Variants in COG5 observed in about 807,000 individuals in gnomAD.
COG5 encodes conserved oligomeric Golgi complex subunit 5.
COG5 carries 86 observed loss-of-function variants against 110.4 expected under a neutral mutation model. The ratio of observed to expected loss-of-function variants is 0.78; its 90% CI spans 0.65 to 0.93. The LOEUF is 0.93. Among genes scored for constraint, COG5 ranks in the 40% least tolerant of loss-of-function variants. The pLI, the probability that COG5 is intolerant of heterozygous loss-of-function variation, is 0.00. For missense variants in COG5, 1,077 were observed against 987.0 expected (o/e 1.09, Z -1.22); for synonymous variants, 360 against 334.6 (o/e 1.08, Z -0.83).
intron 10 of COG5, among the ~76,000 whole-genome samples, chr7:107,326,141 CG>C (rs964626437): frequency 5.3e-5 from 8 of 152,142 alleles, no homozygotes; most frequent in Admixed American, 3.9e-4. Flanking sequence ...AACTAGGACT[CG>C]AAGGAAATTA....
At chr7:107,248,936 TC>T (rs1488017352) in intron 16 of COG5, among the ~76,000 whole-genome samples, 1 of 152,112 alleles carries the variant, frequency 6.6e-6, no homozygotes, top group East Asian at 1.9e-4. Flanking sequence ...AGACATTGAT[TC>T]TTTTTTTTTA....
intron 10 of COG5, among the ~76,000 whole-genome samples, chr7:107,340,650 G>T (rs1010195436): frequency 6.6e-6 from 1 of 152,062 alleles, no homozygotes; most frequent in African/African-American, 2.4e-5. Context: ...CTAGCAAATG[G>T]AATCCAACAG....
intron 3 of COG5, among the ~76,000 whole-genome samples, chr7:107,551,511 T>C (rs924142764): frequency 2.6e-4 from 39 of 152,336 alleles, no homozygotes; most frequent in African/African-American, 9.1e-4. Flanking sequence ...TAATATTCAA[T>C]TTTTCTAATA....
intron 6 of COG5, among the ~76,000 whole-genome samples, chr7:107,501,278 T>TA (rs1400706969): frequency 1.3e-5 from 2 of 152,016 alleles, no homozygotes; most frequent in Non-Finnish European, 2.9e-5. Flanking sequence ...ACTATTGGCA[T>TA]AAGCATCCAA....
In COG5 at chr7:107,509,060, G is replaced by C. The variant is rs11976379; in HGVS notation, c.538+18177C>G. On this transcript the variant is annotated intron_variant, in intron 6 of 21. Transcript: ENST00000297135. ...AAGCTGGAAGGAGAATGACTTTGACGTGTTGAGAGAAGAAGGCTTCAGAAG... is the reference window on the plus strand; with the variant it reads ...AAGCTGGAAGGAGAATGACTTTGACCTGTTGAGAGAAGAAGGCTTCAGAAG... Among the ~76,000 whole-genome samples the C allele has an allele frequency of 2.6e-5, 4 of 152,320 alleles. No individual in the cohort carries two copies. The South Asian group carries it at 8.3e-4, about 32-fold the overall frequency.
rs777072585 is a variant in COG5 at position 107,283,702 on chromosome 7, T to C, written c.1344A>G (p.Gln448=). The C allele has an allele frequency of 3.7e-6, 6 of 1,613,822 alleles. No homozygotes were observed. The highest frequency in any genetic ancestry group is 5.1e-6 in the Non-Finnish European group (6 of 1,179,922). ...TTGATAGATAAGCAGCCTCATAGGG[T>C]TGTAGTGAGTCTTTCAAAGCCTTTT... ...DPEKALKDSL[Q]PYEAAYLSKS... Residue 448 remains glutamine, a synonymous_variant, in exon 13 of 22, where the codon CAA becomes CAG. Transcript: ENST00000297135.
intron 6 of COG5, among the ~76,000 whole-genome samples, chr7:107,446,287 C>G (rs562983538): frequency 7.2e-5 from 11 of 152,318 alleles, no homozygotes; most frequent in African/African-American, 2.2e-4. Flanking sequence ...CTAATTTCAA[C>G]TATTTCAATT....
chr7:107,419,223 G>A (rs1238585434), intron 6 of COG5, among the ~76,000 whole-genome samples: 2 of 152,020 alleles, frequency 1.3e-5, no homozygotes, highest in East Asian at 1.9e-4. Flanking sequence ...AAACGCAAAT[G>A]GCTTATAGAG....
At chr7:107,557,087 A>G (rs1803379559) in intron 2 of COG5, among the ~76,000 whole-genome samples, 1 of 152,090 alleles carries the variant, frequency 6.6e-6, no homozygotes, top group Admixed American at 6.5e-5. Context: ...TTTTCTAAAT[A>G]TCTGTCAATA....
chr7:107,428,135 CA>C (rs1793775963), intron 6 of COG5, among the ~76,000 whole-genome samples: 1 of 152,004 alleles, frequency 6.6e-6, no homozygotes, highest in African/African-American at 2.4e-5. Context: ...GAAAGTACGC[CA>C]AACAGGAAGA....
At chr7:107,242,748 T>C (rs1334858103) in intron 17 of COG5, among the ~76,000 whole-genome samples, 1 of 152,184 alleles carries the variant, frequency 6.6e-6, no homozygotes, top group African/African-American at 2.4e-5. Flanking sequence ...ACCCCTGGCT[T>C]GGGCCCACAG....
chr7:107,429,174 T>C (rs1343112822), intron 6 of COG5, among the ~76,000 whole-genome samples: 1 of 152,174 alleles, frequency 6.6e-6, no homozygotes, highest in Non-Finnish European at 1.5e-5. Context: ...TCCCTTACTA[T>C]AGGGAATCTT....
chr7:107,446,729 T>C lies in COG5; in HGVS notation c.539-34097A>G, dbSNP rs186173412. Among the ~76,000 whole-genome samples the C allele has an allele frequency of 1.9e-3, 283 of 152,206 alleles. 2 individuals are homozygous for C. Among genetic ancestry groups the C allele is most frequent in the African/African-American group, 6.6e-3 (274 of 41,516 alleles). On this transcript the variant is annotated intron_variant, in intron 6 of 21. Transcript: ENST00000297135. ...AGGAATGGAGGCCTACCAACAACCA[T>C]GTGAGTCAGCTTGAAAGTACATCCT...
intron 17 of COG5, among the ~76,000 whole-genome samples, chr7:107,240,422 G>C (rs1026088683): frequency 1.3e-5 from 2 of 152,070 alleles, no homozygotes; most frequent in African/African-American, 2.4e-5. Flanking sequence ...CACCATGTTG[G>C]CCAGGCTGGT....
intron 3 of COG5, among the ~76,000 whole-genome samples, chr7:107,550,922 G>T (rs1331029557): frequency 1.3e-5 from 2 of 151,446 alleles, no homozygotes; most frequent in East Asian, 3.9e-4. Flanking sequence ...TCCAGGACCA[G>T]AACATAGTTC....
intron 6 of COG5, among the ~76,000 whole-genome samples, chr7:107,511,134 T>C (rs9656137): frequency 0.23 from 30,737 of 136,516 alleles, 3,841 homozygotes; most frequent in East Asian, 0.28. Flanking sequence ...TCAACAAAAC[T>C]GATAGACTGC....
chr7:107,260,257 T>C (rs1803229175), intron 14 of COG5, among the ~76,000 whole-genome samples: 2 of 152,122 alleles, frequency 1.3e-5, no homozygotes, highest in African/African-American at 2.4e-5. Flanking sequence ...AGAAATAAAG[T>C]TCTGATACAT....
chr7:107,387,410 GC>G (rs1790290294), intron 7 of COG5, among the ~76,000 whole-genome samples: 1 of 152,228 alleles, frequency 6.6e-6, no homozygotes, highest in East Asian at 1.9e-4. Context: ...CCACCCTGGG[GC>G]CCACCTGCTC....
chr7:107,506,816 C>A (rs74912703), intron 6 of COG5, among the ~76,000 whole-genome samples: 3 of 152,188 alleles, frequency 2.0e-5, no homozygotes, highest in Admixed American at 6.5e-5. Flanking sequence ...GGACACTTGC[C>A]ACTCACCCTC....
Sources: allele counts gnomAD v4.1 joint callset (sites outside exome capture counted in the v4.1 genomes callset), GRCh38; gene constraint gnomAD v4.1.1; transcripts MANE v1.5; gene names NCBI Gene and HGNC (gene_info 2026-07-23, HGNC 2026-07-21).